Variants in CSNK1G1 observed in about 807,000 individuals in gnomAD.
The protein encoded by CSNK1G1 is casein kinase I isoform gamma-1.
CSNK1G1 carries 22 observed loss-of-function variants against 59.6 expected under a neutral mutation model. The ratio of observed to expected loss-of-function variants is 0.37; its 90% CI spans 0.26 to 0.53. The LOEUF is 0.53. Ranked by LOEUF, CSNK1G1 falls within the 20% of genes least tolerant of loss-of-function variation. CSNK1G1 has a pLI of 0.89. For synonymous variants in CSNK1G1, 179 were observed against 177.1 expected (o/e 1.01, Z -0.08); for missense variants, 384 against 519.5 (o/e 0.74, Z 2.54).
intron 1 of CSNK1G1, among the ~76,000 whole-genome samples, chr15:64,313,727 T>A (rs943135165): frequency 6.7e-6 from 1 of 149,346 alleles, no homozygotes; most frequent in Admixed American, 6.8e-5. Flanking sequence ...TCTGCACAGG[T>A]ACCCCAGAAC....
At chr15:64,241,143 A>C (rs990728345) in intron 4 of CSNK1G1, among the ~76,000 whole-genome samples, 1 of 152,204 alleles carries the variant, frequency 6.6e-6, no homozygotes, top group Admixed American at 6.6e-5. Context: ...TCACCTATAA[A>C]GATATATACA....
chr15:64,334,616 C>G (rs968088033), intron 1 of CSNK1G1, among the ~76,000 whole-genome samples: 1 of 152,158 alleles, frequency 6.6e-6, no homozygotes, highest in African/African-American at 2.4e-5. Context: ...GCATTAGATT[C>G]TCATAAGGAG....
intron 10 of CSNK1G1, among the ~76,000 whole-genome samples, chr15:64,190,063 G>A (rs372543890): frequency 1.1e-4 from 16 of 151,944 alleles, no homozygotes; most frequent in East Asian, 9.6e-4. Context: ...CTCGTGATCC[G>A]CCTGCCTCAG....
intron 2 of CSNK1G1, among the ~76,000 whole-genome samples, chr15:64,259,677 G>A (rs938167663): frequency 5.3e-5 from 8 of 152,056 alleles, no homozygotes; most frequent in African/African-American, 1.9e-4. Context: ...ATTTTGTCAT[G>A]GTATTTCGTG....
intron 3 of CSNK1G1, among the ~76,000 whole-genome samples, chr15:64,258,410 AAAAAG>A (rs1204235198): frequency 5.2e-4 from 79 of 151,842 alleles, no homozygotes; most frequent in African/African-American, 1.8e-3. Context: ...AGAAAGAAAG[AAAAAG>A]AAAAGAAAAG....
intron 3 of CSNK1G1, among the ~76,000 whole-genome samples, chr15:64,257,861 A>C (rs1479894919): frequency 3.3e-5 from 5 of 152,096 alleles, no homozygotes; most frequent in Non-Finnish European, 2.9e-5. Flanking sequence ...AGGATATTTG[A>C]CCTGCATTGT....
intron 1 of CSNK1G1, among the ~76,000 whole-genome samples, chr15:64,329,330 G>A (rs1897002464): frequency 6.6e-6 from 1 of 150,952 alleles, no homozygotes; most frequent in South Asian, 2.1e-4. Context: ...CTATCTCTCA[G>A]ACCACAGTGC....
At chr15:64,179,377 A>G (rs982248241) in intron 11 of CSNK1G1, among the ~76,000 whole-genome samples, 3 of 152,336 alleles carry the variant, frequency 2.0e-5, no homozygotes, top group East Asian at 3.9e-4. Flanking sequence ...ATTTAGAGGT[A>G]TAAGAGTGTT....
intron 4 of CSNK1G1, among the ~76,000 whole-genome samples, chr15:64,244,422 T>G (rs1056906825): frequency 6.8e-6 from 1 of 147,534 alleles, no homozygotes; most frequent in African/African-American, 2.5e-5. Context: ...TGTTCATAGA[T>G]TGGAAGAATA....
intron 7 of CSNK1G1, among the ~76,000 whole-genome samples, chr15:64,206,882 C>T (rs2082189748): frequency 6.6e-6 from 1 of 152,160 alleles, no homozygotes; most frequent in African/African-American, 2.4e-5. Context: ...CAGGTGAGTT[C>T]TTAGCCTACA....
chr15:64,192,320 T>G (rs2081982696), intron 10 of CSNK1G1, among the ~76,000 whole-genome samples: 1 of 152,206 alleles, frequency 6.6e-6, no homozygotes, highest in African/African-American at 2.4e-5. Context: ...GAATCTCAAG[T>G]AGTGGTAACT....
At chr15:64,285,299 C>A (rs1044416094) in intron 2 of CSNK1G1, among the ~76,000 whole-genome samples, 2 of 152,102 alleles carry the variant, frequency 1.3e-5, no homozygotes, top group African/African-American at 4.8e-5. Flanking sequence ...ACATTTATAT[C>A]AAGGTACACA....
chr15:64,351,942 G>C (rs1196374508), intron 1 of CSNK1G1, among the ~76,000 whole-genome samples: 1 of 152,130 alleles, frequency 6.6e-6, no homozygotes, highest in African/African-American at 2.4e-5. Context: ...AAAAGTGGGA[G>C]CTTCTGAGAG....
chr15:64,244,030 G>A (rs1352858755), intron 4 of CSNK1G1, among the ~76,000 whole-genome samples: 1 of 151,474 alleles, frequency 6.6e-6, no homozygotes, highest in Non-Finnish European at 1.5e-5. Flanking sequence ...CTAGCTGGGT[G>A]TGGTGGTGGG....
intron 4 of CSNK1G1, among the ~76,000 whole-genome samples, chr15:64,219,596 G>A (rs2082358590): frequency 6.6e-6 from 1 of 150,972 alleles, no homozygotes; most frequent in Admixed American, 6.6e-5. Flanking sequence ...ACAGCTGGGA[G>A]CACAGGCACA....
intron 1 of CSNK1G1, among the ~76,000 whole-genome samples, chr15:64,332,489 A>G (rs1423363071): frequency 1.7e-5 from 2 of 116,864 alleles, no homozygotes; most frequent in Non-Finnish European, 3.5e-5. Flanking sequence ...TCACATGGAC[A>G]CAGGAAGGGG....
At chr15:64,314,644 C>T (rs923684617) in intron 1 of CSNK1G1, among the ~76,000 whole-genome samples, 1 of 151,604 alleles carries the variant, frequency 6.6e-6, no homozygotes. Context: ...TCTCAACCCT[C>T]CAGGCTCTGT....
intron 2 of CSNK1G1, among the ~76,000 whole-genome samples, chr15:64,276,761 CA>C (rs1290806682): frequency 6.6e-6 from 1 of 151,918 alleles, no homozygotes; most frequent in Non-Finnish European, 1.5e-5. Context: ...CTGGCTAACA[CA>C]GTGAAACCCT....
At chr15:64,313,351 C>T (rs1596262721) in intron 1 of CSNK1G1, among the ~76,000 whole-genome samples, 1 of 151,670 alleles carries the variant, frequency 6.6e-6, no homozygotes, top group South Asian at 2.1e-4. Context: ...GAACCAACCC[C>T]AATGTCCATC....
Sources: allele counts gnomAD v4.1 joint callset (sites outside exome capture counted in the v4.1 genomes callset), GRCh38; gene constraint gnomAD v4.1.1; transcripts MANE v1.5; gene names NCBI Gene and HGNC (gene_info 2026-07-23, HGNC 2026-07-21).